RYR1: variants seen among roughly 807,000 people sequenced by gnomAD.
RYR1 encodes the protein central core disease of muscle.
In RYR1, 342 loss-of-function variants were observed where a neutral mutation model predicts 583.5. That is an observed-to-expected ratio of 0.59 (90% CI 0.54 to 0.64). The LOEUF (loss-of-function observed/expected upper bound fraction) is 0.64. RYR1 is among the 30% of genes least tolerant of loss of function. RYR1 has a pLI of 0.00. For missense variants in RYR1, 6,032 were observed against 6,917.2 expected (o/e 0.87, Z 4.54); for synonymous variants, 2,791 against 2,822.5 (o/e 0.99, Z 0.35).
intron 27 of RYR1, among the ~76,000 whole-genome samples, chr19:38,471,402 T>C (rs1968411743): frequency 6.6e-6 from 1 of 152,066 alleles, no homozygotes; most frequent in African/African-American, 2.4e-5. Flanking sequence ...TGGTGGTATG[T>C]GCCTGTGGTC....
chr19:38,582,741 C>G (rs975681097), intron 101 of RYR1, among the ~76,000 whole-genome samples: 3 of 152,218 alleles, frequency 2.0e-5, no homozygotes, highest in African/African-American at 7.2e-5. Flanking sequence ...GATCATAACC[C>G]AAATTGATGC....
chr19:38,546,412 T>C, intron 87 of RYR1, 33 bp from the exon 88 acceptor site: 2 of 1,598,712 alleles, frequency 1.3e-6, no homozygotes, highest in East Asian at 2.2e-5. Flanking sequence ...AGGTGTATGC[T>C]GAGACCAGCC....
Position 38,496,839 on chromosome 19 carries a change from C to T in RYR1, c.6797-21C>T. On this transcript the variant is annotated intron_variant, in intron 41 of 105. Transcript: ENST00000359596. This position sits in a 1 kb window ranked among gnomAD's most constrained non-coding sequence, Gnocchi z 4.8. ...GAGACAAGCAGGAGTGAGATGTTCT[C>T]CCCACCTCTCGCCCCTGCAGGCATG... is the stretch of plus-strand genomic sequence containing the variant. The T allele has an allele frequency of 6.2e-7, 1 of 1,601,204 alleles. No individual in the cohort carries two copies. The highest frequency in any genetic ancestry group is 8.6e-7 in the Non-Finnish European group (1 of 1,168,944).
chr19:38,569,214 G>C (rs1292198782), intron 93 of RYR1, among the ~76,000 whole-genome samples: 1 of 152,088 alleles, frequency 6.6e-6, no homozygotes, highest in Non-Finnish European at 1.5e-5. Context: ...GTTTCACCGT[G>C]TTAGCCAGAA....
chr19:38,559,307 C>T (rs1973020101), intron 89 of RYR1, among the ~76,000 whole-genome samples: 1 of 146,340 alleles, frequency 6.8e-6, no homozygotes, highest in South Asian at 2.3e-4. Flanking sequence ...AATCTTGGCT[C>T]ACTGCAACAT....
chr19:38,583,400 A>G (rs1314077163), intron 101 of RYR1, among the ~76,000 whole-genome samples: 6 of 148,894 alleles, frequency 4.0e-5, no homozygotes, highest in African/African-American at 1.5e-4. Context: ...AATCTCTTGA[A>G]CTCGGTGGTG....
chr19:38,507,248 G>A (rs899461963), intron 57 of RYR1, among the ~76,000 whole-genome samples: 1 of 150,612 alleles, frequency 6.6e-6, no homozygotes, highest in Non-Finnish European at 1.5e-5. Flanking sequence ...ACTGAGAGGG[G>A]CGGGGACCGG....
chr19:38,446,588 C>G (rs749053820), intron 8 of RYR1, 23 bp downstream of exon 8: 1 of 1,609,364 alleles, frequency 6.2e-7, no homozygotes, highest in East Asian at 2.2e-5. Context: ...GACGAGAGGG[C>G]CTGGGGTCTA....
At chr19:38,583,268 G>C (rs1974295965) in intron 101 of RYR1, among the ~76,000 whole-genome samples, 1 of 147,970 alleles carries the variant, frequency 6.8e-6, no homozygotes, top group Non-Finnish European at 1.5e-5. Flanking sequence ...TTGCACTCCA[G>C]CCTGGGCAAC....
In RYR1 at chr19:38,561,151, C is replaced by A; in HGVS notation, c.12321C>A (p.Ile4107=). ...AGAAGCAGTTCAGCGGTCCAGAAAT[C>A]CAGTTCCTGCTTTCGTGCTCCGAAG... The part of the protein sequence containing the change: ...DSQKQFSGPE[I]QFLLSCSEAD... Residue 4107 remains isoleucine (I), a synonymous_variant, in exon 90 of 106, where the codon ATC becomes ATA. Coordinates refer to ENST00000359596, the MANE Select transcript of RYR1 (RefSeq NM_000540.3). This position sits in a 1 kb window ranked among gnomAD's most constrained non-coding sequence, Gnocchi z 4.8. 1.2e-6 allele frequency: 2 copies of A among 1,614,164 alleles called. No individual in the cohort carries two copies. The highest frequency in any genetic ancestry group is 2.7e-5 in the African/African-American group (2 of 75,030).
chr19:38,572,380 G>A (rs1226155420), intron 95 of RYR1, 110 bp downstream of exon 95: 2 of 1,268,850 alleles, frequency 1.6e-6, no homozygotes, highest in African/African-American at 1.5e-5. Flanking sequence ...TTGGGACAGA[G>A]GGGGCCTAGG....
chr19:38,437,129 C>A (rs1253653873), intron 1 of RYR1, among the ~76,000 whole-genome samples: 2 of 151,784 alleles, frequency 1.3e-5, no homozygotes, highest in East Asian at 1.9e-4. Flanking sequence ...CGGCTCACTG[C>A]AACCTCCGCC....
intron 89 of RYR1, among the ~76,000 whole-genome samples, chr19:38,560,475 C>T (rs1339345960): frequency 1.3e-5 from 2 of 151,394 alleles, no homozygotes; most frequent in African/African-American, 4.9e-5. Context: ...ACACCTGTCA[C>T]CCCTGCACTT....
chr19:38,504,673 T>C (rs897445084), intron 50 of RYR1, 75 bp from the exon 51 acceptor site: 6 of 1,579,550 alleles, frequency 3.8e-6, no homozygotes, highest in Non-Finnish European at 5.2e-6. Context: ...ATGATTGCAG[T>C]GTGTGAGTTT....
chr19:38,516,184 G>A lies in RYR1; in HGVS notation c.9652G>A (p.Val3218Met), dbSNP rs553055844. The change falls in exon 65 of 106, where the codon GTG becomes ATG. Residue 3218 changes from valine (V) to methionine (M), a missense_variant. Val to Met is a conservative substitution (Grantham distance 21, BLOSUM62 1). Around this residue, in one of 11 missense-constraint regions of RYR1, gnomAD observed 1,493 missense variants for 1,715.5 expected, o/e 0.87. Transcript: ENST00000359596. ...PQLNEYNACSVYTTKSPRERA... is the reference protein window; with the variant it reads ...PQLNEYNACSMYTTKSPRERA... Reference sequence around the variant, plus strand: ...GCTGAACGAGTACAACGCCTGCTCCGTGTACACCACCAAGTCTCCGCGGGA... The same window carrying A: ...GCTGAACGAGTACAACGCCTGCTCCATGTACACCACCAAGTCTCCGCGGGA... 1.5e-5 allele frequency: 23 copies of A among 1,573,892 alleles called. No individual in the cohort carries two copies. Among genetic ancestry groups the A allele is most frequent in the South Asian group, 2.3e-5 (2 of 85,810 alleles).
In RYR1 at chr19:38,446,710, G is replaced by T. The variant is rs1801086; in HGVS notation, c.742G>T (p.Gly248Trp). 8 of 1,613,844 alleles carry T rather than the reference G, an allele frequency of 5.0e-6. No individual in the cohort carries two copies. In the East Asian group the frequency reaches 1.6e-4, roughly 31 times the overall value. ...TGTCCCCAGACTTGTCTACTATGAG[G>T]GGGGAGCTGTGTGCACTCATGCCCG... ...DDQRRLVYYEGGAVCTHARSL... is the reference protein window; with the variant it reads ...DDQRRLVYYEWGAVCTHARSL... The change falls in exon 9 of 106, where the codon GGG (glycine) becomes TGG (tryptophan). Residue 248 changes from glycine to tryptophan, a missense_variant. Transcript: ENST00000359596.
chr19:38,442,438 G>T lies in RYR1; in HGVS notation c.255G>T (p.Val85=), dbSNP rs532101469. ...RALQEMLANT[V]EAGVESSQGG... is the part of the protein sequence containing the mutation. ...TGCAGGAGATGCTGGCTAACACGGT[G>T]GAGGCTGGCGTGGAGGTGAGGACCC... is the stretch of plus-strand genomic sequence containing the variant. Residue 85 remains valine, a synonymous_variant, in exon 3 of 106, where the codon GTG becomes GTT. Coordinates refer to ENST00000359596, the MANE Select transcript of RYR1 (RefSeq NM_000540.3). The T allele has an allele frequency of 7.5e-5, 121 of 1,613,514 alleles. 1 individual carries two copies. The East Asian group carries it at 2.7e-3, about 36-fold the overall frequency.
chr19:38,537,604 C>G (rs1393220008), intron 83 of RYR1, among the ~76,000 whole-genome samples: 1 of 152,192 alleles, frequency 6.6e-6, no homozygotes, highest in Non-Finnish European at 1.5e-5. Context: ...GTGGTGACAT[C>G]AGAGGGCACT....
At chr19:38,507,875 A>G (rs1970550168) in intron 58 of RYR1, 48 bp downstream of exon 58, 2 of 1,174,884 alleles carry the variant, frequency 1.7e-6, no homozygotes, top group Non-Finnish European at 1.3e-6. Context: ...TGCAGACACC[A>G]GTTCTGCAGA....
Sources: allele counts gnomAD v4.1 joint callset (sites outside exome capture counted in the v4.1 genomes callset), GRCh38; gene constraint gnomAD v4.1.1; regional missense constraint gnomAD v4.1.1; non-coding constraint Gnocchi (gnomAD v3.1); transcripts MANE v1.5; gene names NCBI Gene and HGNC (gene_info 2026-07-23, HGNC 2026-07-21).